DDB1: variants seen among roughly 807,000 people sequenced by gnomAD.
DDB1 encodes the protein damage specific DNA binding protein 1, also known as DNA damage-binding protein 1.
Under a neutral mutation model 133.1 loss-of-function variants are expected in DDB1, and 18 were observed. The observed-to-expected ratio is 0.14, with a 90% CI of 0.09 to 0.20. The LOEUF is 0.20. DDB1 is among the 10% of genes least tolerant of loss of function. The pLI is 1.00. For synonymous variants in DDB1, 580 were observed against 550.5 expected (o/e 1.05, Z -0.75); for missense variants, 828 against 1,459.2 (o/e 0.57, Z 7.05).
At chr11:61,319,229 T>C (rs1856137371) in intron 10 of DDB1, among the ~76,000 whole-genome samples, 3 of 152,058 alleles carry the variant, frequency 2.0e-5, no homozygotes, top group Admixed American at 2.0e-4. Flanking sequence ...AAATAAAAAT[T>C]TAAAAAGTCC....
chr11:61,302,543 A>C, intron 24 of DDB1, 39 bp downstream of exon 24: 1 of 1,610,946 alleles, frequency 6.2e-7, no homozygotes, highest in Non-Finnish European at 8.5e-7. Context: ...ATCAGGAAGG[A>C]GGCCTGTGTG....
intron 12 of DDB1, 59 bp downstream of exon 12, chr11:61,316,226 G>A (rs1429168476): frequency 9.6e-6 from 14 of 1,458,120 alleles, no homozygotes; most frequent in Non-Finnish European, 1.2e-5. Context: ...GTGGTGCTCT[G>A]TACTGCATCT....
intron 1 of DDB1, chr11:61,331,996 T>C (rs1856385773): frequency 3.8e-6 from 1 of 265,214 alleles, no homozygotes; most frequent in African/African-American, 2.1e-5. Context: ...CCAATTTTAC[T>C]CTATTACAGT....
At chr11:61,313,761 G>T in intron 15 of DDB1, 55 bp from the exon 16 acceptor site, 2 of 1,581,348 alleles carry the variant, frequency 1.3e-6, no homozygotes, top group South Asian at 2.3e-5. Context: ...ACAAAAAGCT[G>T]GCCTGTGAAA....
Position 61,316,577 on chromosome 11 carries a change from GGACCAAGGATTCAGATGCATAGGACA to G in DDB1, c.1226-36_1226-11del. 1.2e-6 allele frequency: 2 copies of G among 1,613,884 alleles called. No individual in the cohort carries two copies. The highest frequency in any genetic ancestry group is 1.7e-6 in the Non-Finnish European group (2 of 1,179,904). ...CGCAGTGGCCATAATCCTGGAACAA[GGACCAAGGATTCAGATGCATAGGACA>G]GACCAACACTTAGCATGCATATCTA... On this transcript the variant is annotated splice_polypyrimidine_tract_variant and intron_variant, in intron 10 of 26. Transcript: ENST00000301764.
At chr11:61,319,078 T>C (rs1264588739) in intron 10 of DDB1, among the ~76,000 whole-genome samples, 3 of 152,114 alleles carry the variant, frequency 2.0e-5, no homozygotes, top group Admixed American at 6.6e-5. Context: ...TGGTGGCGCA[T>C]GGTTGGAGTC....
intron 25 of DDB1, 125 bp from the exon 26 acceptor site, chr11:61,301,057 G>C (rs545562111): frequency 2.2e-6 from 3 of 1,385,628 alleles, no homozygotes; most frequent in Non-Finnish European, 2.9e-6. Flanking sequence ...ACTTCCTTTC[G>C]CCTTGCTTTT....
chr11:61,313,992 G>T, intron 14 of DDB1, 23 bp from the exon 15 acceptor site: 1 of 1,614,106 alleles, frequency 6.2e-7, no homozygotes, highest in Non-Finnish European at 8.5e-7. Context: ...GGGACATTAT[G>T]TTCTTGTTCC....
chr11:61,326,635 G>A, intron 5 of DDB1, 144 bp downstream of exon 5: 1 of 740,016 alleles, frequency 1.4e-6, no homozygotes, highest in Non-Finnish European at 2.4e-6. Flanking sequence ...ATTAGAGAAA[G>A]AAAACATAAA....
intron 16 of DDB1, among the ~76,000 whole-genome samples, chr11:61,312,398 G>T (rs1855988518): frequency 6.6e-6 from 1 of 152,114 alleles, no homozygotes; most frequent in African/African-American, 2.4e-5. Context: ...TGGCTGGAGG[G>T]CTTGTCAAAA....
chr11:61,318,916 A>T (rs1460325536), intron 10 of DDB1, among the ~76,000 whole-genome samples: 3 of 152,238 alleles, frequency 2.0e-5, no homozygotes, highest in African/African-American at 7.2e-5. Context: ...TCCCAACTTT[A>T]GGCTAGGCTC....
intron 10 of DDB1, 81 bp from the exon 11 acceptor site, chr11:61,316,648 G>T (rs1856072368): frequency 1.4e-6 from 2 of 1,437,690 alleles, no homozygotes; most frequent in Non-Finnish European, 2.0e-6. Flanking sequence ...CAGGCCAGGG[G>T]CAGTGGCTCA....
intron 26 of DDB1, 78 bp from the exon 27 acceptor site, chr11:61,300,297 GA>G (rs1855772111): frequency 7.1e-7 from 1 of 1,408,078 alleles, no homozygotes; most frequent in African/African-American, 1.4e-5. Context: ...TGCCCCCAGT[GA>G]AGGAGGCACA....
chr11:61,322,444 T>C, intron 8 of DDB1, 32 bp from the exon 9 acceptor site: 1 of 1,545,782 alleles, frequency 6.5e-7, no homozygotes, highest in South Asian at 1.1e-5. Context: ...ATGTTAGTCC[T>C]AGAACACCCT....
chr11:61,324,276 A>G, intron 6 of DDB1, 139 bp from the exon 7 acceptor site: 1 of 871,824 alleles, frequency 1.1e-6, no homozygotes, highest in African/African-American at 1.7e-5. Context: ...CATGAAAATG[A>G]GGATAGATCC....
intron 6 of DDB1, among the ~76,000 whole-genome samples, chr11:61,325,369 T>G (rs923370410): frequency 3.9e-5 from 6 of 152,110 alleles, no homozygotes; most frequent in Non-Finnish European, 8.8e-5. Context: ...GTTGCCCCAG[T>G]CAATGAAAAG....
intron 10 of DDB1, chr11:61,321,337 A>C (rs1856175010): frequency 3.2e-6 from 1 of 316,774 alleles, no homozygotes; most frequent in African/African-American, 2.1e-5. Flanking sequence ...AAACAACATT[A>C]ATTTTAATTT....
chr11:61,333,035 A>C lies in DDB1; in HGVS notation c.-67T>G. On this transcript the variant is annotated 5_prime_UTR_variant, in exon 1 of 27. Coordinates refer to ENST00000301764, the MANE Select transcript of DDB1 (RefSeq NM_001923.5). ...TAGAAAGAGGGACACAAGCGAAAAGACAGGTGGCCCCCAACAGCGCGCAGC... is the reference window on the plus strand; with the variant it reads ...TAGAAAGAGGGACACAAGCGAAAAGCCAGGTGGCCCCCAACAGCGCGCAGC... 7.2e-7 allele frequency: 1 copy of C among 1,394,238 alleles called. No individual in the cohort carries two copies. Among genetic ancestry groups the C allele is most frequent in the Non-Finnish European group, 9.6e-7 (1 of 1,044,554 alleles). The allele number at this position is 1,394,238 out of a possible 1,614,324, so 86.4% of individuals were successfully genotyped here.
intron 12 of DDB1, 49 bp downstream of exon 12, chr11:61,316,236 T>C (rs1461726900): frequency 2.0e-6 from 3 of 1,521,350 alleles, no homozygotes; most frequent in Non-Finnish European, 1.8e-6. Context: ...GTACTGCATC[T>C]AGGTCAATTC....
Sources: allele counts gnomAD v4.1 joint callset (sites outside exome capture counted in the v4.1 genomes callset), GRCh38; gene constraint gnomAD v4.1.1; transcripts MANE v1.5; gene names NCBI Gene and HGNC (gene_info 2026-07-23, HGNC 2026-07-21).